PHF8: variants seen among roughly 807,000 people sequenced by gnomAD.
PHF8 encodes histone lysine demethylase PHF8.
In PHF8, 9 loss-of-function variants were observed where a neutral mutation model predicts 74.4. The observed-to-expected ratio is 0.12, with a 90% confidence interval of 0.07 to 0.21. The LOEUF is 0.21. Among genes scored for constraint, PHF8 ranks in the 10% least tolerant of loss-of-function variants. The pLI is 1.00. For missense variants in PHF8, 478 were observed against 816.6 expected (o/e 0.59, Z 5.05); for synonymous variants, 311 against 316.6 (o/e 0.98, Z 0.19).
intron 16 of PHF8, among the ~76,000 whole-genome samples, 193 bp downstream of exon 16, chrX:53,986,885 C>T (rs782093468): frequency 9.0e-6 from 1 of 111,264 alleles, no homozygotes; most frequent in East Asian, 2.8e-4. Flanking sequence ...ATGATCATGC[C>T]ATTGTACCCC....
intron 6 of PHF8, among the ~76,000 whole-genome samples, chrX:54,015,762 T>C (rs1486400439): frequency 1.8e-5 from 2 of 110,832 alleles, no homozygotes; most frequent in Admixed American, 9.7e-5. Context: ...GTAAGTTTCC[T>C]AAGGGCAAAA....
intron 19 of PHF8, among the ~76,000 whole-genome samples, chrX:53,953,562 T>C (rs1557087678): frequency 9.5e-6 from 1 of 105,749 alleles, no homozygotes; most frequent in African/African-American, 3.5e-5. Context: ...AAGAATTGCT[T>C]GAACCCAGGA....
At chrX:53,995,515 C>T (rs1557102542) in intron 12 of PHF8, among the ~76,000 whole-genome samples, 178 bp downstream of exon 12, 1 of 112,051 alleles carries the variant, frequency 8.9e-6, no homozygotes, top group Non-Finnish European at 1.9e-5. Context: ...AAGAGCCTAG[C>T]CCAATGTGCG....
At chrX:53,943,505 G>C (rs1174571610) in intron 20 of PHF8, 1 of 845,043 alleles carries the variant, frequency 1.2e-6, no homozygotes, top group Non-Finnish European at 1.6e-6. Context: ...ATGCTTAACA[G>C]TGCTCTAAGC....
chrX:53,972,478 T>C lies in PHF8; in HGVS notation c.2444-9539A>G, dbSNP rs182405529. ...CATCAGGTTGGCTTCATCCCTGGGA[T>C]GCAAAGTTGGTTCAACATATGCAAA... On this transcript the variant is annotated intron_variant, in intron 18 of 21. Transcript: ENST00000338154. Among the ~76,000 whole-genome samples, 928 of 111,511 alleles carry C rather than the reference T, an allele frequency of 8.3e-3. 5 individuals carry two copies. The highest frequency in any genetic ancestry group is 0.013 in the Non-Finnish European group (690 of 53,145).
In PHF8 at chrX:54,014,465, T is replaced by C; in HGVS notation, c.695A>G (p.Gln232Arg). 8.3e-7 allele frequency: 1 copy of C among 1,203,205 alleles called. No homozygotes were observed. Among genetic ancestry groups the C allele is most frequent in the Non-Finnish European group, 1.1e-6 (1 of 887,875 alleles). The change falls in exon 7 of 22, where the codon CAG becomes CGG. Residue 232 changes from glutamine (Q) to arginine (R), a missense_variant. This residue lies in a region of PHF8 where 70 missense variants were observed against 234.1 expected (regional missense o/e 0.30). Transcript: ENST00000338154. ...EECVFERPNVQKYCLMSVRDS... is the reference protein window; with the variant it reads ...EECVFERPNVRKYCLMSVRDS... ...TCGCACACTCATGAGGCAGTACTTCTGTACATTGGGTCTCTCAAAGACACA... is the reference window on the plus strand; with the variant it reads ...TCGCACACTCATGAGGCAGTACTTCCGTACATTGGGTCTCTCAAAGACACA...
chrX:53,939,444 C>CAGG (rs2064716506), intron 21 of PHF8, among the ~76,000 whole-genome samples, 198 bp from the exon 22 acceptor site: 3 of 111,574 alleles, frequency 2.7e-5, no homozygotes, highest in African/African-American at 9.8e-5. Flanking sequence ...CTCCTATGAC[C>CAGG]TCCTGTAGCA....
intron 18 of PHF8, among the ~76,000 whole-genome samples, chrX:53,966,044 T>C (rs1260580474): frequency 9.0e-6 from 1 of 111,357 alleles, no homozygotes. Context: ...ACCAGAAGAA[T>C]GATGTCTTAA....
At position 53,995,438 on chromosome X, in the gene PHF8, G is replaced by A. The variant is rs781892142; in HGVS notation, c.1323+255C>T. ...AGATGAGGAAACTGAAACTCAAAGA[G>A]GTTAACTTTGCTCAGGGTCCTCTAT... is the stretch of plus-strand genomic sequence containing the variant. On this transcript the variant is annotated intron_variant, in intron 12 of 21. Coordinates refer to ENST00000338154, the MANE Select transcript of PHF8 (RefSeq NM_015107.3). Among the ~76,000 whole-genome samples, 9 of 112,254 alleles carry A rather than the reference G, an allele frequency of 8.0e-5. No homozygotes were observed. In the South Asian group the frequency reaches 1.8e-3, roughly 23 times the overall value.
At chrX:54,002,444 C>G (rs1368144681) in intron 9 of PHF8, 151 bp downstream of exon 9, 1 of 542,800 alleles carries the variant, frequency 1.8e-6, no homozygotes, top group African/African-American at 2.3e-5. Flanking sequence ...CAAATAACTA[C>G]TAAGTGCAGA....
rs1557116904 is a variant in PHF8 at position 54,044,391 on chromosome X, G to C, written c.-722C>G. On this transcript the variant is annotated 5_prime_UTR_variant, in exon 1 of 22. It adds an upstream start codon to the 5' untranslated region. Transcript: ENST00000338154. The stretch of plus-strand genomic sequence containing the variant: ...GGCGGAGAGGGGAGGAGAAATACGG[G>C]ATAAACAGCTACCATGTTGAGAGTG... 9.3e-6 allele frequency: 7 copies of C among 751,665 alleles called. No individual in the cohort carries two copies. The South Asian group carries it at 4.1e-4, about 44-fold the overall frequency. 61.9% of individuals were successfully genotyped at this position (751,665 alleles called of 1,213,427 possible).
intron 19 of PHF8, among the ~76,000 whole-genome samples, chrX:53,960,957 T>C (rs1366316343): frequency 9.1e-6 from 1 of 109,561 alleles, no homozygotes; most frequent in Non-Finnish European, 1.9e-5. Flanking sequence ...ACCAGAAAAA[T>C]TTACTTTGAC....
chrX:54,023,433 T>A (rs1416410862), intron 2 of PHF8, among the ~76,000 whole-genome samples: 4 of 111,592 alleles, frequency 3.6e-5, no homozygotes, highest in African/African-American at 1.3e-4. Context: ...TGTTGCTTAT[T>A]TCACATTTTA....
intron 19 of PHF8, among the ~76,000 whole-genome samples, chrX:53,959,878 A>AG (rs2065074076): frequency 9.4e-6 from 1 of 106,569 alleles, no homozygotes; most frequent in East Asian, 2.9e-4. Context: ...AAAAAAAAAA[A>AG]AAAAAAAAAG....
chrX:53,964,463 A>C (rs1557091828), intron 18 of PHF8, among the ~76,000 whole-genome samples: 1 of 112,046 alleles, frequency 8.9e-6, no homozygotes, highest in Non-Finnish European at 1.9e-5. Flanking sequence ...GCTATCACAT[A>C]CTACAACATG....
At position 54,038,979 on chromosome X, in the gene PHF8, C is replaced by T. The variant is rs782563154; in HGVS notation, c.98+3652G>A. On this transcript the variant is annotated intron_variant, in intron 2 of 21. Coordinates refer to ENST00000338154, the MANE Select transcript of PHF8 (RefSeq NM_015107.3). ...GTGAAACCCTGTCTCTACTAAAATA[C>T]AAAAATGAGCCGGGTGTGGTGGCGC... Among the ~76,000 whole-genome samples, 9 of 109,232 alleles carry T rather than the reference C, an allele frequency of 8.2e-5. No homozygotes were observed. The East Asian group carries it at 2.6e-3, about 32-fold the overall frequency. The allele number at this position is 109,232 out of a possible 115,157, so 94.9% of individuals were successfully genotyped here.
chrX:54,039,985 G>A (rs1445788148), intron 2 of PHF8: 1 of 112,720 alleles, frequency 8.9e-6, no homozygotes, highest in African/African-American at 3.2e-5. Flanking sequence ...AAATTTAACA[G>A]TGGATTGTGC....
chrX:53,967,380 C>T (rs1200803470), intron 18 of PHF8, among the ~76,000 whole-genome samples: 123 of 90,045 alleles, frequency 1.4e-3, no homozygotes, highest in African/African-American at 4.2e-3. Context: ...GTCAGCCCCC[C>T]GCCCGGCCAG....
At chrX:54,006,173 A>T (rs2065895241) in intron 8 of PHF8, among the ~76,000 whole-genome samples, 1 of 112,074 alleles carries the variant, frequency 8.9e-6, no homozygotes, top group Non-Finnish European at 1.9e-5. Context: ...CGAAGGATAA[A>T]GGGATGTAAA....
Sources: gnomAD v4.1 joint callset for allele counts (sites outside exome capture counted in the v4.1 genomes callset) on GRCh38, gnomAD v4.1.1 for gene constraint, gnomAD v4.1.1 regional missense constraint, MANE v1.5 for transcripts, NCBI Gene and HGNC (gene_info 2026-07-23, HGNC 2026-07-21) for gene names.